SCHIP1: variants seen among roughly 807,000 people sequenced by gnomAD.
SCHIP1 encodes the protein schwannomin interacting protein 1.
SCHIP1 carries 8 observed loss-of-function variants against 29.7 expected under a neutral mutation model. The observed-to-expected ratio is 0.27, with a 90% CI of 0.16 to 0.49. SCHIP1 has a LOEUF of 0.49. Ranked by LOEUF, SCHIP1 falls within the 20% of genes least tolerant of loss-of-function variation. The pLI is 0.99. For synonymous variants in SCHIP1, 76 were observed against 94.9 expected (o/e 0.80, Z 1.16); for missense variants, 193 against 294.6 (o/e 0.66, Z 2.52).
At chr3:159,615,547 C>T in the SCHIP1 span, among the ~76,000 whole-genome samples, 1 of 152,180 alleles carries the variant, frequency 6.6e-6, no homozygotes, top group African/African-American at 2.4e-5. Context: ...CACCTCCCTC[C>T]TCACCTTGGA....
At chr3:159,594,378 A>G in the SCHIP1 span, among the ~76,000 whole-genome samples, 1 of 152,212 alleles carries the variant, frequency 6.6e-6, no homozygotes, top group South Asian at 2.1e-4. Flanking sequence ...CTGAGTGACA[A>G]TAAGACATGT....
At chr3:159,296,651 C>A in the SCHIP1 span, among the ~76,000 whole-genome samples, 2 of 152,054 alleles carry the variant, frequency 1.3e-5, no homozygotes, top group Non-Finnish European at 2.9e-5. Context: ...GGGGGGATAC[C>A]TGTAATCCCA....
the SCHIP1 span, chr3:159,375,554 G>A: frequency 2.0e-5 from 3 of 152,238 alleles, no homozygotes; most frequent in Admixed American, 1.3e-4. Context: ...GGCCAACATG[G>A]TGAAACCCTG....
chr3:159,450,547 C>T, the SCHIP1 span, among the ~76,000 whole-genome samples: 7 of 152,248 alleles, frequency 4.6e-5, no homozygotes, highest in African/African-American at 1.4e-4. Flanking sequence ...AAAGCATAAA[C>T]GTTGAATTTA....
chr3:159,686,628 A>T, the SCHIP1 span, among the ~76,000 whole-genome samples: 4 of 152,360 alleles, frequency 2.6e-5, no homozygotes, highest in African/African-American at 9.6e-5. Flanking sequence ...AAGAATCTAT[A>T]AAAAATGTCA....
chr3:159,867,997 A>AT (rs1714818987), intron 2 of SCHIP1, among the ~76,000 whole-genome samples: 1 of 142,576 alleles, frequency 7.0e-6, no homozygotes, highest in South Asian at 2.1e-4. Flanking sequence ...ATATAAATCA[A>AT]TGATTTATAT....
At chr3:159,513,918 T>C in the SCHIP1 span, among the ~76,000 whole-genome samples, 2 of 152,222 alleles carry the variant, frequency 1.3e-5, no homozygotes, top group Non-Finnish European at 2.9e-5. Flanking sequence ...CAGAGCATGA[T>C]TAAAGATTGG....
the SCHIP1 span, among the ~76,000 whole-genome samples, chr3:159,524,524 C>G: frequency 2.0e-5 from 3 of 152,192 alleles, no homozygotes; most frequent in Non-Finnish European, 2.9e-5. Context: ...ACATTCAAAC[C>G]TATCTCAGTA....
the SCHIP1 span, among the ~76,000 whole-genome samples, chr3:159,481,395 T>C: frequency 1.3e-5 from 2 of 152,346 alleles, no homozygotes; most frequent in Non-Finnish European, 2.9e-5. Context: ...TTAAGTGTTC[T>C]GTATTGACTG....
the SCHIP1 span, among the ~76,000 whole-genome samples, chr3:159,656,382 C>A: frequency 3.9e-5 from 6 of 152,122 alleles, no homozygotes; most frequent in Non-Finnish European, 8.8e-5. Context: ...GACTCCTAAG[C>A]CCATGTTCTT....
chr3:159,535,850 G>A, the SCHIP1 span, among the ~76,000 whole-genome samples: 1 of 152,026 alleles, frequency 6.6e-6, no homozygotes, highest in Non-Finnish European at 1.5e-5. Context: ...TTCTCCAACT[G>A]TTTATAAATG....
the SCHIP1 span, among the ~76,000 whole-genome samples, chr3:159,721,195 T>C: frequency 6.6e-6 from 1 of 152,182 alleles, no homozygotes. Flanking sequence ...CTAAAGGGTA[T>C]TATTAATAGC....
At chr3:159,680,634 A>ATTT in the SCHIP1 span, among the ~76,000 whole-genome samples, 1 of 64,034 alleles carries the variant, frequency 1.6e-5, no homozygotes, top group Non-Finnish European at 2.9e-5. Context: ...TATATATTTT[A>ATTT]TATATTATAT....
the SCHIP1 span, among the ~76,000 whole-genome samples, chr3:159,341,642 C>A: frequency 3.3e-5 from 5 of 152,172 alleles, no homozygotes; most frequent in African/African-American, 1.2e-4. Context: ...GAAGGGTTTG[C>A]CACTTTCTCG....
At chr3:159,529,487 C>T in the SCHIP1 span, among the ~76,000 whole-genome samples, 2 of 151,974 alleles carry the variant, frequency 1.3e-5, no homozygotes, top group African/African-American at 4.8e-5. Flanking sequence ...GTTATGGATA[C>T]ATAATAGTCA....
At chr3:159,806,398 A>T in the SCHIP1 span, among the ~76,000 whole-genome samples, 1 of 152,192 alleles carries the variant, frequency 6.6e-6, no homozygotes, top group Non-Finnish European at 1.5e-5. Flanking sequence ...GATTTGGGTT[A>T]GGAAGAGAGA....
the SCHIP1 span, chr3:159,273,330 G>T: frequency 3.0e-6 from 3 of 986,348 alleles, no homozygotes; most frequent in African/African-American, 1.7e-5. Context: ...GAATGAGGCA[G>T]ACCTGTTTAC....
chr3:159,411,025 T>C, the SCHIP1 span, among the ~76,000 whole-genome samples: 1 of 152,048 alleles, frequency 6.6e-6, no homozygotes, highest in Non-Finnish European at 1.5e-5. Context: ...AGCCGGGCAC[T>C]GAAATACAAA....
chr3:159,885,779 G>A (rs1249038178), intron 2 of SCHIP1, among the ~76,000 whole-genome samples: 1 of 152,230 alleles, frequency 6.6e-6, no homozygotes, highest in Admixed American at 6.5e-5. Context: ...AGAGAGCTGT[G>A]GCCTTGGGAT....
Sources: gnomAD v4.1 joint callset for allele counts (sites outside exome capture counted in the v4.1 genomes callset) on GRCh38, gnomAD v4.1.1 for gene constraint, MANE v1.5 for transcripts, NCBI Gene and HGNC (gene_info 2026-07-23, HGNC 2026-07-21) for gene names.